Variants in CALCR observed in about 807,000 individuals in gnomAD.
The protein encoded by CALCR is calcitonin receptor.
In CALCR, 47 loss-of-function variants were observed where a neutral mutation model predicts 59.5. That is an observed-to-expected ratio of 0.79 (90% confidence interval 0.63 to 1.01). CALCR has a LOEUF of 1.01. Among genes scored for constraint, CALCR ranks in the 50% least tolerant of loss-of-function variants. CALCR has a pLI of 0.00. For missense variants in CALCR, 566 were observed against 597.1 expected (o/e 0.95, Z 0.54); for synonymous variants, 213 against 211.3 (o/e 1.01, Z -0.07).
At chr7:93,512,604 T>G (rs1466914311) in intron 2 of CALCR, among the ~76,000 whole-genome samples, 1 of 152,212 alleles carries the variant, frequency 6.6e-6, no homozygotes. Flanking sequence ...ATCCTCTTGC[T>G]TAATTAAATC....
intron 8 of CALCR, among the ~76,000 whole-genome samples, chr7:93,460,161 C>T (rs192382604): frequency 2.0e-4 from 30 of 152,176 alleles, no homozygotes; most frequent in African/African-American, 2.4e-4. Context: ...ACTAGAATCA[C>T]GGGGAAGCAC....
intron 12 of CALCR, 88 bp downstream of exon 12, chr7:93,435,864 T>G (rs976694279): frequency 1.1e-4 from 50 of 468,928 alleles, no homozygotes; most frequent in African/African-American, 9.8e-4. Context: ...ATAAGTAAAA[T>G]AATAATAAAA....
At chr7:93,458,444 G>A (rs1202998936) in intron 8 of CALCR, among the ~76,000 whole-genome samples, 1 of 152,144 alleles carries the variant, frequency 6.6e-6, no homozygotes, top group African/African-American at 2.4e-5. Context: ...CTGTGAGCTA[G>A]ATAGCTTCTA....
chr7:93,550,639 A>G (rs931152390), intron 2 of CALCR, among the ~76,000 whole-genome samples: 2 of 148,112 alleles, frequency 1.4e-5, no homozygotes, highest in Non-Finnish European at 3.0e-5. Flanking sequence ...ACACACACAC[A>G]CGAGAGACAG....
At chr7:93,525,148 AAT>A (rs1801849947) in intron 2 of CALCR, among the ~76,000 whole-genome samples, 1 of 137,526 alleles carries the variant, frequency 7.3e-6, no homozygotes, top group Non-Finnish European at 1.7e-5. Flanking sequence ...AAAAAATGAT[AAT>A]AGTTTCTTTT....
At position 93,559,296 on chromosome 7, in the gene CALCR, C is replaced by T. The variant is rs1462007924; in HGVS notation, c.-27+14993G>A. Among the ~76,000 whole-genome samples, 4 of 152,092 alleles carry T rather than the reference C, an allele frequency of 2.6e-5. No homozygotes were observed. In the South Asian group the frequency reaches 6.2e-4, roughly 24 times the overall value. The stretch of plus-strand genomic sequence containing the variant: ...TTAATTAGATACTGAGGAGCCAAAA[C>T]TTTTCCACCCCCTCCCCTCAGTCCC... On this transcript the variant is annotated intron_variant, in intron 2 of 13. Transcript: ENST00000426151.
chr7:93,431,808 T>TG (rs2115671347), intron 13 of CALCR, among the ~76,000 whole-genome samples: 1 of 152,344 alleles, frequency 6.6e-6, no homozygotes, highest in African/African-American at 2.4e-5. Context: ...ATCCACGATG[T>TG]ACGGAGAATA....
chr7:93,480,178 G>T (rs1800763054), intron 3 of CALCR, among the ~76,000 whole-genome samples: 1 of 151,806 alleles, frequency 6.6e-6, no homozygotes, highest in Non-Finnish European at 1.5e-5. Context: ...ATTGACAATA[G>T]TTTTTTTCAG....
intron 4 of CALCR, among the ~76,000 whole-genome samples, chr7:93,478,580 C>T (rs1158830100): frequency 3.3e-5 from 5 of 151,534 alleles, no homozygotes; most frequent in African/African-American, 1.2e-4. Context: ...GTCCCAACTG[C>T]TCAGGAGGCT....
intron 5 of CALCR, among the ~76,000 whole-genome samples, chr7:93,475,340 C>T (rs1800644835): frequency 6.6e-6 from 1 of 151,674 alleles, no homozygotes; most frequent in African/African-American, 2.4e-5. Context: ...ACTGAGATAG[C>T]CACTAGACAA....
intron 2 of CALCR, among the ~76,000 whole-genome samples, chr7:93,559,350 TGCTGTTCAGCA>T (rs547695210): frequency 6.8e-4 from 103 of 152,182 alleles, no homozygotes; most frequent in African/African-American, 2.4e-3. Flanking sequence ...TTTCCATGAT[TGCTGTTCAGCA>T]GAACCAGGCC....
At chr7:93,430,170 T>C (rs750423212) in intron 13 of CALCR, among the ~76,000 whole-genome samples, 1 of 152,038 alleles carries the variant, frequency 6.6e-6, no homozygotes, top group Non-Finnish European at 1.5e-5. Context: ...CTCCTGACCT[T>C]GTGATCCAGC....
At chr7:93,443,893 T>C in intron 8 of CALCR, 136 bp from the exon 9 acceptor site, 1 of 675,234 alleles carries the variant, frequency 1.5e-6, no homozygotes. Flanking sequence ...TGTAAACATG[T>C]GCCACCTGCT....
At chr7:93,433,741 G>T (rs1029262859) in intron 13 of CALCR, among the ~76,000 whole-genome samples, 1 of 152,158 alleles carries the variant, frequency 6.6e-6, no homozygotes, top group African/African-American at 2.4e-5. Context: ...CAGCCATATG[G>T]CTCTCTAGAT....
intron 2 of CALCR, among the ~76,000 whole-genome samples, chr7:93,534,685 A>T (rs927075976): frequency 1.3e-5 from 2 of 151,654 alleles, no homozygotes; most frequent in African/African-American, 4.8e-5. Flanking sequence ...GAAGACAACA[A>T]ATATTCTTCT....
At chr7:93,499,651 T>A (rs1292358472) in intron 2 of CALCR, among the ~76,000 whole-genome samples, 1 of 151,826 alleles carries the variant, frequency 6.6e-6, no homozygotes, top group Non-Finnish European at 1.5e-5. Flanking sequence ...TTTGCCATGC[T>A]TGTTTGGCTA....
chr7:93,505,046 A>C (rs1801398012), intron 2 of CALCR, among the ~76,000 whole-genome samples: 2 of 152,162 alleles, frequency 1.3e-5, no homozygotes, highest in South Asian at 4.1e-4. Flanking sequence ...ACTATTTAAT[A>C]AAAAGAAGTG....
chr7:93,561,918 G>A (rs1334929039), intron 2 of CALCR, among the ~76,000 whole-genome samples: 1 of 149,084 alleles, frequency 6.7e-6, no homozygotes, highest in Non-Finnish European at 1.5e-5. Flanking sequence ...CTGTAGTTAG[G>A]TATTTTAGGT....
intron 11 of CALCR, 140 bp from the exon 12 acceptor site, chr7:93,436,310 C>A: frequency 1.5e-6 from 1 of 671,800 alleles, no homozygotes; most frequent in Non-Finnish European, 2.5e-6. Flanking sequence ...AGAGGTAGCA[C>A]AATTGGCTCA....
Sources: gnomAD v4.1 joint callset for allele counts (sites outside exome capture counted in the v4.1 genomes callset) on GRCh38, gnomAD v4.1.1 for gene constraint, MANE v1.5 for transcripts, NCBI Gene and HGNC (gene_info 2026-07-23, HGNC 2026-07-21) for gene names.